Variants in HCN4 observed in about 807,000 individuals in gnomAD.
The protein encoded by HCN4 is potassium/sodium hyperpolarization-activated cyclic nucleotide-gated channel 4.
HCN4 carries 29 observed loss-of-function variants against 76.9 expected under a neutral mutation model. The observed-to-expected ratio is 0.38, with a 90% confidence interval of 0.28 to 0.51. The LOEUF (loss-of-function observed/expected upper bound fraction) is 0.51, where lower values mean the gene tolerates loss of function less well. Ranked by LOEUF, HCN4 falls within the 20% of genes least tolerant of loss-of-function variation. The pLI is 0.90. For synonymous variants in HCN4, 772 were observed against 762.5 expected, an observed-to-expected ratio of 1.01 and a Z score of -0.21; for missense variants, 1,416 against 1,715.2, an observed-to-expected ratio of 0.83 and a Z score of 3.08.
intron 1 of HCN4, among the ~76,000 whole-genome samples, chr15:73,348,327 C>T (rs1264024612): frequency 1.3e-5 from 2 of 152,362 alleles, no homozygotes; most frequent in Non-Finnish European, 2.9e-5. Flanking sequence ...CACACACCCA[C>T]GCTTGCCTTT....
At position 73,328,331 on chromosome 15, in the gene HCN4, G is replaced by A. The variant is rs969646166; in HGVS notation, c.1590+1242C>T. Among the ~76,000 whole-genome samples, 2 of 152,056 alleles carry A rather than the reference G, an allele frequency of 1.3e-5. No individual in the cohort carries two copies. The highest frequency in any genetic ancestry group is 2.9e-5 in the Non-Finnish European group (2 of 68,022). Reference sequence around the variant, plus strand: ...AAGTCTGGCCAGGCTGAAATAAAGGGTGCAAGGCCCAGGGCAGGAGCTGAG... The same window carrying A: ...AAGTCTGGCCAGGCTGAAATAAAGGATGCAAGGCCCAGGGCAGGAGCTGAG... On this transcript the variant is annotated intron_variant, in intron 4 of 7. Transcript: ENST00000261917. The surrounding 1 kb of genome is among the most constrained non-coding windows in gnomAD (Gnocchi z 4.0).
At chr15:73,342,044 C>T (rs1257492341) in intron 2 of HCN4, among the ~76,000 whole-genome samples, 3 of 151,696 alleles carry the variant, frequency 2.0e-5, no homozygotes, top group African/African-American at 7.2e-5. Flanking sequence ...CTTGTCCCGC[C>T]CACAGGTGGC....
intron 1 of HCN4, among the ~76,000 whole-genome samples, chr15:73,353,583 C>G (rs991265199): frequency 6.6e-6 from 1 of 152,122 alleles, no homozygotes; most frequent in African/African-American, 2.4e-5. Flanking sequence ...TCTGAAAGCA[C>G]CTATTACTCC....
intron 1 of HCN4, among the ~76,000 whole-genome samples, chr15:73,348,068 A>T (rs560048705): frequency 2.0e-4 from 30 of 152,308 alleles, no homozygotes; most frequent in Non-Finnish European, 3.5e-4. Flanking sequence ...GGGATGGTAA[A>T]AAGCCAAGCA....
intron 1 of HCN4, among the ~76,000 whole-genome samples, chr15:73,352,700 C>A (rs1415038908): frequency 6.6e-6 from 1 of 152,160 alleles, no homozygotes; most frequent in Admixed American, 6.5e-5. Flanking sequence ...ACCCCCTTGG[C>A]CCTCCTCTAC....
At chr15:73,360,668 G>A (rs12440104) in intron 1 of HCN4, among the ~76,000 whole-genome samples, 45,359 of 152,032 alleles carry the variant, frequency 0.3, 7,759 homozygotes, top group East Asian at 0.41. Context: ...AGGCTTATCT[G>A]TAAGTTGGGG....
At chr15:73,346,354 G>A (rs2043029744) in intron 1 of HCN4, among the ~76,000 whole-genome samples, 2 of 152,214 alleles carry the variant, frequency 1.3e-5, no homozygotes, top group Non-Finnish European at 2.9e-5. Context: ...TCATAAGGAG[G>A]AAATCAATTG....
intron 3 of HCN4, 85 bp downstream of exon 3, chr15:73,332,046 A>G (rs2042936247): frequency 1.5e-6 from 2 of 1,352,330 alleles, no homozygotes; most frequent in South Asian, 1.2e-5. Context: ...GCTGGAACTC[A>G]GAAGTTCCAA....
chr15:73,350,974 T>C (rs2151223272), intron 1 of HCN4, among the ~76,000 whole-genome samples: 1 of 152,228 alleles, frequency 6.6e-6, no homozygotes, highest in South Asian at 2.1e-4. Context: ...CACTTGATCT[T>C]AGCCAAAAGG....
Position 73,332,205 on chromosome 15 carries a change from C to T in HCN4, c.1297G>A (p.Gly433Ser), listed in dbSNP as rs573588965. The change falls in exon 3 of 8, where the codon GGC (glycine) becomes AGC (serine). Residue 433 changes from glycine to serine, a missense_variant. Around this residue, in one of 6 missense-constraint regions of HCN4, gnomAD observed 112 missense variants for 259.9 expected, o/e 0.43. Coordinates refer to ENST00000261917, the MANE Select transcript of HCN4 (RefSeq NM_005477.3). ...GMMLLLCHWD[G>S]CLQFLVPMLQ... ...ATGGGTACCAGGAACTGCAGGCAGC[C>T]GTCCCAGTGGCAGAGCAGGAGCATC... 8.1e-6 allele frequency: 13 copies of T among 1,614,184 alleles called. No homozygotes were observed. The highest frequency in any genetic ancestry group is 1.3e-5 in the African/African-American group (1 of 75,058).
intron 1 of HCN4, among the ~76,000 whole-genome samples, chr15:73,365,648 G>C (rs1380154838): frequency 6.6e-6 from 1 of 152,216 alleles, no homozygotes; most frequent in Non-Finnish European, 1.5e-5. Flanking sequence ...AGGGAGATAG[G>C]AAGGGCCAGG....
chr15:73,323,585 C>A lies in HCN4; in HGVS notation c.2508G>T (p.Ala836=), dbSNP rs766293595. Residue 836 remains alanine (A), a synonymous_variant, in exon 8 of 8, where the codon GCG becomes GCT. Transcript: ENST00000261917. ...LKRLQSLIPS[A]LGSASPASSP... is the part of the protein sequence containing the mutation. ...TGCTGGCGGGCGAGGCGGAGCCCAG[C>A]GCAGAAGGGATCAGGGACTGCAGCC... The A allele has an allele frequency of 6.2e-7, 1 of 1,601,114 alleles. No homozygotes were observed. The highest frequency in any genetic ancestry group is 1.1e-5 in the South Asian group (1 of 91,032).
Position 73,330,139 on chromosome 15 carries a change from C to T in HCN4, c.1372-348G>A, listed in dbSNP as rs145944630. 3.3e-5 allele frequency among the ~76,000 whole-genome samples: 5 copies of T among 152,358 alleles called. No homozygotes were observed. The East Asian group carries it at 9.7e-4, about 29-fold the overall frequency. ...CCGTGCTGTCCTTCCCTTGCTAAAA[C>T]AGCTCCACCCCCCAACCCCCTAAAC... is the stretch of plus-strand genomic sequence containing the variant. On this transcript the variant is annotated intron_variant, in intron 3 of 7. Coordinates refer to ENST00000261917, the MANE Select transcript of HCN4 (RefSeq NM_005477.3).
rs1243615908 is a variant in HCN4 at position 73,343,934 on chromosome 15, A to G, written c.786-126T>C. On this transcript the variant is annotated intron_variant, in intron 1 of 7. Coordinates refer to ENST00000261917, the MANE Select transcript of HCN4 (RefSeq NM_005477.3). The surrounding 1 kb of genome is among the most constrained non-coding windows in gnomAD (Gnocchi z 5.7). ...TTGGGAGGTTCTGAGACAGGAAGAC[A>G]GGCACATGGGTACCAGGGCAAGATG... The G allele has an allele frequency of 5.4e-6, 5 of 925,930 alleles. No individual in the cohort carries two copies. In the Admixed American group the frequency reaches 9.4e-5, roughly 17 times the overall value. 57.4% of individuals were successfully genotyped at this position (925,930 alleles called of 1,614,324 possible).
rs761538083 is a variant in HCN4, at chr15:73,323,052, G to GC, written c.3040dup (p.Ala1014GlyfsTer180). On this transcript the variant is annotated frameshift_variant, in exon 8 of 8. Coordinates refer to ENST00000261917, the MANE Select transcript of HCN4 (RefSeq NM_005477.3). LOFTEE classifies it high-confidence loss of function. ...TCGGGGAGTAAAGCCTACAGGGGAAGCCCCCCCAGAGGCCCCTGCCACAAG... is the reference window on the plus strand; with the variant it reads ...TCGGGGAGTAAAGCCTACAGGGGAAGCCCCCCCCAGAGGCCCCTGCCACAAG... 9.2e-6 allele frequency: 14 copies of GC among 1,526,100 alleles called. No homozygotes were observed. The highest frequency in any genetic ancestry group is 2.2e-5 in the Admixed American group (1 of 45,986). The allele number at this position is 1,526,100 out of a possible 1,614,324, so 94.5% of individuals were successfully genotyped here. A position where few individuals can be genotyped will look rare whatever the true frequency, so the allele number is the denominator to read the frequency against.
At chr15:73,347,626 C>T (rs996151352) in intron 1 of HCN4, among the ~76,000 whole-genome samples, 8 of 152,156 alleles carry the variant, frequency 5.3e-5, no homozygotes, top group Admixed American at 2.0e-4. Flanking sequence ...GTAACATTTC[C>T]GAAGCCTCAA....
rs754578129 is a variant in HCN4 at position 73,325,523 on chromosome 15, C to G, written c.1591-79G>C. 61 of 1,406,886 alleles carry G rather than the reference C, an allele frequency of 4.3e-5. No individual in the cohort carries two copies. The highest frequency in any genetic ancestry group is 5.4e-5 in the Non-Finnish European group (54 of 991,764). The allele number at this position is 1,406,886 out of a possible 1,614,324, so 87.2% of individuals were successfully genotyped here. On this transcript the variant is annotated intron_variant, in intron 4 of 7. Coordinates refer to ENST00000261917, the MANE Select transcript of HCN4 (RefSeq NM_005477.3). This position sits in a 1 kb window ranked among gnomAD's most constrained non-coding sequence, Gnocchi z 7.4. ...CCAGCCCCACCACCTCGGCAGGCAC[C>G]ACATCCGGGCACCCACCCCGGGGGA... is the stretch of plus-strand genomic sequence containing the variant.
chr15:73,333,585 T>A (rs2042945988), intron 2 of HCN4, among the ~76,000 whole-genome samples: 1 of 152,126 alleles, frequency 6.6e-6, no homozygotes, highest in Non-Finnish European at 1.5e-5. Context: ...TCACCTGCAG[T>A]CACCCCCACC....
intron 2 of HCN4, chr15:73,341,069 G>GGGGTGTGTGTGTGT (rs1491312112): frequency 1.8e-4 from 26 of 145,896 alleles, no homozygotes; most frequent in African/African-American, 5.9e-4. Context: ...GAGGGAGGTA[G>GGGGTGTGTGTGTGT]GTGTGTGTGT....
Sources: gnomAD v4.1 joint callset for allele counts (sites outside exome capture counted in the v4.1 genomes callset) on GRCh38, gnomAD v4.1.1 for gene constraint, gnomAD v4.1.1 regional missense constraint, Gnocchi (gnomAD v3.1) non-coding constraint, MANE v1.5 for transcripts, NCBI Gene and HGNC (gene_info 2026-07-23, HGNC 2026-07-21) for gene names.